The following SHB variants were observed in gnomAD, a reference collection of about 807,000 sequenced individuals.
The protein encoded by SHB is SH2 domain containing adaptor protein B.
SHB carries 20 observed loss-of-function variants against 52.3 expected under a neutral mutation model. That is an observed-to-expected ratio of 0.38 (90% CI 0.27 to 0.56). SHB has a LOEUF of 0.56. Among genes scored for constraint, SHB ranks in the 20% least tolerant of loss-of-function variants. The pLI is 0.71. For missense variants in SHB, 825 were observed against 723.3 expected (o/e 1.14, Z -1.61); for synonymous variants, 397 against 316.5 (o/e 1.25, Z -2.70).
At chr9:37,947,025 T>C (rs1832500114) in intron 5 of SHB, among the ~76,000 whole-genome samples, 1 of 152,164 alleles carries the variant, frequency 6.6e-6, no homozygotes, top group Non-Finnish European at 1.5e-5. Flanking sequence ...CCTGCTGCTG[T>C]CCTCTCCTCA....
intron 1 of SHB, among the ~76,000 whole-genome samples, chr9:38,043,925 C>T (rs1230965549): frequency 6.6e-6 from 1 of 152,180 alleles, no homozygotes; most frequent in Non-Finnish European, 1.5e-5. Flanking sequence ...AAACCATTCT[C>T]CCTGAACGCA....
rs1199951265 is a variant in SHB, at chr9:38,068,240, C to T, written c.406G>A (p.Ala136Thr). The T allele has an allele frequency of 7.1e-7, 1 of 1,398,858 alleles. No homozygotes were observed. Among genetic ancestry groups the T allele is most frequent in the Non-Finnish European group, 9.2e-7 (1 of 1,088,670 alleles). The allele number at this position is 1,398,858 out of a possible 1,614,324, so 86.7% of individuals were successfully genotyped here. A position where few individuals can be genotyped will look rare whatever the true frequency, so the allele number is the denominator to read the frequency against. Residue 136 changes from alanine to threonine, a missense_variant, in exon 1 of 6, where the codon GCC (alanine) becomes ACC (threonine). Transcript: ENST00000377707. ...RAFSASSASG[A>T]AGCCCASSGA... ...GAGGAGGCGCAGCAACAGCCCGCGG[C>T]GCCCGACGCGGACGAGGCCGAGAAG...
At chr9:38,002,141 T>C (rs918949206) in intron 2 of SHB, among the ~76,000 whole-genome samples, 3 of 152,020 alleles carry the variant, frequency 2.0e-5, no homozygotes, top group South Asian at 4.2e-4. Flanking sequence ...AAAAAAAGGA[T>C]AGCAAGGACT....
intron 2 of SHB, 141 bp downstream of exon 2, chr9:38,015,870 A>T: frequency 1.3e-6 from 1 of 793,670 alleles, no homozygotes; most frequent in Non-Finnish European, 2.1e-6. Flanking sequence ...AAGACTTAAT[A>T]CAGCATTGCT....
intron 3 of SHB, among the ~76,000 whole-genome samples, chr9:37,969,470 G>A (rs1820568027): frequency 6.6e-6 from 1 of 152,208 alleles, no homozygotes; most frequent in Non-Finnish European, 1.5e-5. Context: ...CTTTCCTGAT[G>A]TGATACCCAT....
At chr9:38,053,411 G>C (rs1564111490) in intron 1 of SHB, among the ~76,000 whole-genome samples, 1 of 152,044 alleles carries the variant, frequency 6.6e-6, no homozygotes, top group Admixed American at 6.6e-5. Context: ...CTAATTTTTT[G>C]TATTTTCAGT....
intron 2 of SHB, among the ~76,000 whole-genome samples, chr9:37,999,549 A>G (rs1386705567): frequency 6.6e-6 from 1 of 152,174 alleles, no homozygotes; most frequent in Non-Finnish European, 1.5e-5. Flanking sequence ...GTGTGACTTG[A>G]GCTCACAAAC....
intron 5 of SHB, among the ~76,000 whole-genome samples, chr9:37,922,466 G>A (rs1832194827): frequency 6.6e-6 from 1 of 152,228 alleles, no homozygotes; most frequent in South Asian, 2.1e-4. Flanking sequence ...GCGAGGTGGG[G>A]CAGCTGCCAG....
chr9:38,018,486 C>G, intron 1 of SHB, among the ~76,000 whole-genome samples: 1 of 143,900 alleles, frequency 6.9e-6, no homozygotes, highest in East Asian at 2.0e-4. Context: ...TACCTGCTGA[C>G]AGTTGAAAAT....
At chr9:37,988,680 G>T (rs1212806566) in intron 2 of SHB, among the ~76,000 whole-genome samples, 1 of 152,152 alleles carries the variant, frequency 6.6e-6, no homozygotes, top group Non-Finnish European at 1.5e-5. Context: ...GGGGTGCCCA[G>T]ATAGTTCGTC....
At chr9:38,062,956 T>C (rs1821913894) in intron 1 of SHB, among the ~76,000 whole-genome samples, 1 of 152,178 alleles carries the variant, frequency 6.6e-6, no homozygotes, top group Admixed American at 6.5e-5. Flanking sequence ...TTGGGGTGAT[T>C]TGTTATGTAG....
rs1200026495 is a variant in SHB at position 37,945,913 on chromosome 9, G to C, written c.1346+2722C>G. On this transcript the variant is annotated intron_variant, in intron 5 of 5. Transcript: ENST00000377707. The stretch of plus-strand genomic sequence containing the variant: ...GAAACTTGGTCACACAGGGAGCAGC[G>C]AGTGGCAGGACAGGACTCCTATCCA... Among the ~76,000 whole-genome samples the C allele has an allele frequency of 2.0e-5, 3 of 152,206 alleles. No homozygotes were observed. The South Asian group carries it at 6.2e-4, about 32-fold the overall frequency.
At chr9:38,008,433 C>G (rs1007363134) in intron 2 of SHB, among the ~76,000 whole-genome samples, 2 of 152,230 alleles carry the variant, frequency 1.3e-5, no homozygotes, top group Non-Finnish European at 2.9e-5. Context: ...ACTTGATGAT[C>G]TCCTTCCTGT....
At chr9:37,994,587 G>A (rs554495067) in intron 2 of SHB, among the ~76,000 whole-genome samples, 1 of 152,278 alleles carries the variant, frequency 6.6e-6, no homozygotes, top group South Asian at 2.1e-4. Context: ...GTTGTGGAGT[G>A]GGGAGAATAT....
chr9:37,964,064 T>C lies in SHB; in HGVS notation c.1055-8010A>G, dbSNP rs557858598. The stretch of plus-strand genomic sequence containing the variant: ...ACCTACCCCACCTGCCCAGTGAGTG[T>C]AGGTTCCTTTCAGGTACCTGTAGGA... On this transcript the variant is annotated intron_variant, in intron 3 of 5. Transcript: ENST00000377707. Among the ~76,000 whole-genome samples the C allele has an allele frequency of 1.3e-3, 195 of 152,352 alleles. 1 individual carries two copies. Among genetic ancestry groups the C allele is most frequent in the African/African-American group, 4.6e-3 (190 of 41,588 alleles).
At chr9:38,048,145 A>G (rs1324008332) in intron 1 of SHB, among the ~76,000 whole-genome samples, 2 of 152,158 alleles carry the variant, frequency 1.3e-5, no homozygotes, top group Admixed American at 6.5e-5. Context: ...TTGCAATGTT[A>G]CCACTTCAAA....
chr9:38,041,140 C>T (rs1316389240), intron 1 of SHB, among the ~76,000 whole-genome samples: 1 of 152,190 alleles, frequency 6.6e-6, no homozygotes, highest in African/African-American at 2.4e-5. Context: ...ACCACCAAGT[C>T]CTTTTCTCTC....
intron 1 of SHB, among the ~76,000 whole-genome samples, chr9:38,030,013 A>C (rs1821393404): frequency 6.6e-6 from 1 of 152,124 alleles, no homozygotes; most frequent in African/African-American, 2.4e-5. Flanking sequence ...TCTCCACATC[A>C]CTGCGAGATG....
At chr9:38,058,890 C>G (rs532756023) in intron 1 of SHB, among the ~76,000 whole-genome samples, 1 of 152,274 alleles carries the variant, frequency 6.6e-6, no homozygotes, top group Admixed American at 6.5e-5. Context: ...CTCTGAGCAC[C>G]CACATAAAAA....
Sources: allele counts gnomAD v4.1 joint callset (sites outside exome capture counted in the v4.1 genomes callset), GRCh38; gene constraint gnomAD v4.1.1; transcripts MANE v1.5; gene names NCBI Gene and HGNC (gene_info 2026-07-23, HGNC 2026-07-21).